PEX3: variants seen among roughly 807,000 people sequenced by gnomAD.
PEX3 encodes peroxisomal biogenesis factor 3.
PEX3 carries 30 observed loss-of-function variants against 55.8 expected under a neutral mutation model. The observed-to-expected ratio is 0.54, with a 90% confidence interval of 0.40 to 0.73. The LOEUF (loss-of-function observed/expected upper bound fraction) is 0.73, where lower values mean the gene tolerates loss of function less well. Among genes scored for constraint, PEX3 ranks in the 30% least tolerant of loss-of-function variants. The pLI is 0.00. For missense variants in PEX3, 351 were observed against 432.8 expected, an observed-to-expected ratio of 0.81 and a Z score of 1.68; for synonymous variants, 135 against 148.4, an observed-to-expected ratio of 0.91 and a Z score of 0.66.
chr6:143,489,532 A>G lies in PEX3; in HGVS notation c.*306A>G, dbSNP rs1167589099. The stretch of plus-strand genomic sequence containing the variant: ...AAATCAATATAGATATTTTATATAC[A>G]TATATATATATAAAAATACAAAATT... On this transcript the variant is annotated 3_prime_UTR_variant, in exon 12 of 12. Transcript: ENST00000367591. This position sits in a 1 kb window ranked among gnomAD's most constrained non-coding sequence, Gnocchi z 5.5. The G allele has an allele frequency of 6.4e-6, 1 of 155,554 alleles. No individual in the cohort carries two copies. The highest frequency in any genetic ancestry group is 2.5e-5 in the African/African-American group (1 of 40,572). 9.6% of individuals were successfully genotyped at this position (155,554 alleles called of 1,614,324 possible).
rs900910365 is a variant in PEX3, at chr6:143,465,278, A to G, written c.287+2281A>G. Among the ~76,000 whole-genome samples, 1 of 151,846 alleles carries G rather than the reference A, an allele frequency of 6.6e-6. No individual in the cohort carries two copies. Among genetic ancestry groups the G allele is most frequent in the Non-Finnish European group, 1.5e-5 (1 of 67,860 alleles). ...TTGGAATCTTTTATGTAGATTTTGG[A>G]GTTTTTTAAAAAAAAATAGCATCAG... On this transcript the variant is annotated intron_variant, in intron 3 of 11. Transcript: ENST00000367591. This position sits in a 1 kb window ranked among gnomAD's most constrained non-coding sequence, Gnocchi z 4.7.
At chr6:143,469,267 G>A (rs1030067716) in intron 4 of PEX3, among the ~76,000 whole-genome samples, 15 of 152,280 alleles carry the variant, frequency 9.9e-5, no homozygotes, top group African/African-American at 3.6e-4. Context: ...TTCCACAATG[G>A]TTGAACTAGT....
At chr6:143,477,598 A>G (rs945740848) in intron 9 of PEX3, among the ~76,000 whole-genome samples, 2 of 152,116 alleles carry the variant, frequency 1.3e-5, no homozygotes, top group Admixed American at 6.5e-5. Context: ...CTTTGCTTCT[A>G]TTTTTATGTG....
Position 143,466,482 on chromosome 6 carries a change from G to A in PEX3, c.288-1640G>A, listed in dbSNP as rs570146001. On this transcript the variant is annotated intron_variant, in intron 3 of 11. Transcript: ENST00000367591. This position sits in a 1 kb window ranked among gnomAD's most constrained non-coding sequence, Gnocchi z 5.4. ...CAGAGTAATGATGCTGGCATATTAC[G>A]GTTGTGCTATTTTATTGTGAGTTAT... Among the ~76,000 whole-genome samples, 14 of 152,068 alleles carry A rather than the reference G, an allele frequency of 9.2e-5. No individual in the cohort carries two copies. Among genetic ancestry groups the A allele is most frequent in the East Asian group, 1.9e-4 (1 of 5,184 alleles).
intron 4 of PEX3, among the ~76,000 whole-genome samples, chr6:143,470,515 A>G (rs893209466): frequency 1.3e-5 from 2 of 152,204 alleles, no homozygotes; most frequent in African/African-American, 2.4e-5. Context: ...GGCCTGTCTT[A>G]CCAGGCTTCC....
intron 1 of PEX3, among the ~76,000 whole-genome samples, chr6:143,452,079 C>G (rs1779777823): frequency 6.6e-6 from 1 of 152,120 alleles, no homozygotes. Context: ...CTGTTCTCCC[C>G]AAACAATTTG....
chr6:143,476,410 G>A lies in PEX3; in HGVS notation c.818+1554G>A, dbSNP rs1013106542. Among the ~76,000 whole-genome samples, 2 of 152,160 alleles carry A rather than the reference G, an allele frequency of 1.3e-5. No homozygotes were observed. The highest frequency in any genetic ancestry group is 4.8e-5 in the African/African-American group (2 of 41,432). On this transcript the variant is annotated intron_variant, in intron 9 of 11. Coordinates refer to ENST00000367591, the MANE Select transcript of PEX3 (RefSeq NM_003630.3). The surrounding 1 kb of genome is among the most constrained non-coding windows in gnomAD (Gnocchi z 5.4). The stretch of plus-strand genomic sequence containing the variant: ...ATGGGAAGCCATTGGAGAATTTTAA[G>A]CAGGGCAGTGACATCATCTGTGTTT...
chr6:143,478,123 C>T (rs1780178456), intron 9 of PEX3, among the ~76,000 whole-genome samples: 1 of 152,080 alleles, frequency 6.6e-6, no homozygotes, highest in Non-Finnish European at 1.5e-5. Context: ...CATGCTACAG[C>T]ATAGAAGAAC....
intron 9 of PEX3, among the ~76,000 whole-genome samples, chr6:143,477,441 T>C (rs1447906233): frequency 6.6e-6 from 1 of 152,122 alleles, no homozygotes; most frequent in African/African-American, 2.4e-5. Context: ...AAAAGCTCAT[T>C]AATTTTAAGA....
rs564989560 is a variant in PEX3, at chr6:143,465,092, G to A, written c.287+2095G>A. 2.6e-5 allele frequency among the ~76,000 whole-genome samples: 4 copies of A among 152,034 alleles called. No individual in the cohort carries two copies. The highest frequency in any genetic ancestry group is 1.9e-4 in the East Asian group (1 of 5,178). ...CATCATAAGAGAAGTAGAACACTTC[G>A]AAAAGATTCGTTTAATTCTCTTTAC... On this transcript the variant is annotated intron_variant, in intron 3 of 11. Transcript: ENST00000367591. This position sits in a 1 kb window ranked among gnomAD's most constrained non-coding sequence, Gnocchi z 4.7.
chr6:143,468,491 T>C, intron 4 of PEX3, among the ~76,000 whole-genome samples: 1 of 152,298 alleles, frequency 6.6e-6, no homozygotes, highest in East Asian at 1.9e-4. Flanking sequence ...TTTGATATTG[T>C]ATTGTAAATT....
rs145315420 is a variant in PEX3 at position 143,471,560 on chromosome 6, T to G, written c.527T>G (p.Leu176Arg). ...AGGTTTGTTTTTTCTTTAATAGGCC[T>G]GACAGAATTGATCACTGTCATTAAA... is the stretch of plus-strand genomic sequence containing the variant. ...SSIQHLLGDGLTELITVIKQA... is the reference protein window; with the variant it reads ...SSIQHLLGDGRTELITVIKQA... The change falls in exon 7 of 12, where the codon CTG becomes CGG. Residue 176 changes from leucine to arginine, a missense_variant. Transcript: ENST00000367591. This position sits in a 1 kb window ranked among gnomAD's most constrained non-coding sequence, Gnocchi z 5.4. 1 of 1,611,314 alleles carries G rather than the reference T, an allele frequency of 6.2e-7. No homozygotes were observed. The highest frequency in any genetic ancestry group is 8.5e-7 in the Non-Finnish European group (1 of 1,177,868).
In PEX3 at chr6:143,471,343, T is replaced by C. The variant is rs1420593736; in HGVS notation, c.457-40T>C. ...TGAAAACATTTCTTATTTACCAGTT[T>C]AAAACTTGGATAATTGAACTGTATT... On this transcript the variant is annotated intron_variant, in intron 5 of 11. Coordinates refer to ENST00000367591, the MANE Select transcript of PEX3 (RefSeq NM_003630.3). This position sits in a 1 kb window ranked among gnomAD's most constrained non-coding sequence, Gnocchi z 5.4. 2.8e-6 allele frequency: 4 copies of C among 1,420,054 alleles called. No individual in the cohort carries two copies. The highest frequency in any genetic ancestry group is 1.4e-5 in the African/African-American group (1 of 71,134). The allele number at this position is 1,420,054 out of a possible 1,614,324, so 88.0% of individuals were successfully genotyped here.
rs1263081638 is a variant in PEX3 at position 143,462,386 on chromosome 6, G to A, written c.206-530G>A. Among the ~76,000 whole-genome samples the A allele has an allele frequency of 6.6e-6, 1 of 151,994 alleles. No individual in the cohort carries two copies. Among genetic ancestry groups the A allele is most frequent in the East Asian group, 1.9e-4 (1 of 5,196 alleles). On this transcript the variant is annotated intron_variant, in intron 2 of 11. Coordinates refer to ENST00000367591, the MANE Select transcript of PEX3 (RefSeq NM_003630.3). This position sits in a 1 kb window ranked among gnomAD's most constrained non-coding sequence, Gnocchi z 4.1. The stretch of plus-strand genomic sequence containing the variant: ...TACCCACTGACAAAACTAAAACTCA[G>A]CAACTCTTAGTTCCTAACCCAGTGC...
rs933588454 is a variant in PEX3 at position 143,482,076 on chromosome 6, A to G, written c.941+2878A>G. 1.3e-5 allele frequency among the ~76,000 whole-genome samples: 2 copies of G among 152,212 alleles called. No individual in the cohort carries two copies. The highest frequency in any genetic ancestry group is 2.9e-5 in the Non-Finnish European group (2 of 68,036). The stretch of plus-strand genomic sequence containing the variant: ...CAAAAACAGTATAAAGATGGTCACT[A>G]TTGACAGATTATTCAGCATCATTCT... On this transcript the variant is annotated intron_variant, in intron 10 of 11. Transcript: ENST00000367591. This position sits in a 1 kb window ranked among gnomAD's most constrained non-coding sequence, Gnocchi z 5.5.
At chr6:143,456,579 A>G (rs113758959) in intron 1 of PEX3, among the ~76,000 whole-genome samples, 6 of 152,296 alleles carry the variant, frequency 3.9e-5, no homozygotes, top group African/African-American at 1.4e-4. Flanking sequence ...GGAAAGATCT[A>G]TTCCAACCCT....
Position 143,485,025 on chromosome 6 carries a change from G to T in PEX3, c.942-127G>T, listed in dbSNP as rs527289173. 4.5e-4 allele frequency: 314 copies of T among 696,278 alleles called. No homozygotes were observed. The highest frequency in any genetic ancestry group is 3.0e-3 in the Middle Eastern group (9 of 2,980). The allele number at this position is 696,278 out of a possible 1,614,324, so 43.1% of individuals were successfully genotyped here. A position where few individuals can be genotyped will look rare whatever the true frequency, so the allele number is the denominator to read the frequency against. ...TATTTCTAAGCGATAGAATTGTGGGGTTTTTTTTCCTTTTTAATAGATTTC... is the reference window on the plus strand; with the variant it reads ...TATTTCTAAGCGATAGAATTGTGGGTTTTTTTTTCCTTTTTAATAGATTTC... On this transcript the variant is annotated intron_variant, in intron 10 of 11. Transcript: ENST00000367591. This position sits in a 1 kb window ranked among gnomAD's most constrained non-coding sequence, Gnocchi z 5.6.
At position 143,487,062 on chromosome 6, in the gene PEX3, C is replaced by G. The variant is rs1780331940; in HGVS notation, c.1038+1814C>G. Among the ~76,000 whole-genome samples the G allele has an allele frequency of 6.6e-6, 1 of 152,140 alleles. No individual in the cohort carries two copies. The highest frequency in any genetic ancestry group is 2.1e-4 in the South Asian group (1 of 4,828). ...TGGTAAAGGTAGGAAATGGGAGAAT[C>G]AGAAAACAATCGAGAAAGGTGGTTT... On this transcript the variant is annotated intron_variant, in intron 11 of 11. Transcript: ENST00000367591. The surrounding 1 kb of genome is among the most constrained non-coding windows in gnomAD (Gnocchi z 5.3).
intron 10 of PEX3, among the ~76,000 whole-genome samples, chr6:143,484,037 GCACA>G (rs1780279880): frequency 1.3e-5 from 2 of 151,882 alleles, no homozygotes; most frequent in South Asian, 4.2e-4. Context: ...TCTCAGCATA[GCACA>G]CTGGTTGTAC....
Sources: gnomAD v4.1 joint callset for allele counts (sites outside exome capture counted in the v4.1 genomes callset) on GRCh38, gnomAD v4.1.1 for gene constraint, Gnocchi (gnomAD v3.1) non-coding constraint, MANE v1.5 for transcripts, NCBI Gene and HGNC (gene_info 2026-07-23, HGNC 2026-07-21) for gene names.